Variants in RAB2A observed in about 807,000 individuals in gnomAD.
RAB2A encodes RAB2A, member RAS oncogene family.
A neutral mutation model predicts 32.5 loss-of-function variants in RAB2A; 7 were observed. That is an observed-to-expected ratio of 0.22 (90% CI 0.12 to 0.40). The LOEUF is 0.40. Among genes scored for constraint, RAB2A ranks in the 10% least tolerant of loss-of-function variants. RAB2A has a pLI of 1.00. For synonymous variants in RAB2A, 79 were observed against 85.2 expected (o/e 0.93, Z 0.40); for missense variants, 108 against 260.7 (o/e 0.41, Z 4.03).
At chr8:60,539,197 A>G (rs1286738080) in intron 1 of RAB2A, among the ~76,000 whole-genome samples, 2 of 152,220 alleles carry the variant, frequency 1.3e-5, no homozygotes, top group Admixed American at 1.3e-4. Context: ...GGCAAATGTT[A>G]CTGCTCCTGA....
chr8:60,592,583 A>T (rs1328894298), intron 6 of RAB2A, among the ~76,000 whole-genome samples: 1 of 152,144 alleles, frequency 6.6e-6, no homozygotes, highest in Non-Finnish European at 1.5e-5. Context: ...GTATTCTATT[A>T]TTGCTGTGTA....
At chr8:60,578,787 G>A (rs1464587443) in intron 3 of RAB2A, among the ~76,000 whole-genome samples, 3 of 152,186 alleles carry the variant, frequency 2.0e-5, no homozygotes, top group Non-Finnish European at 4.4e-5. Context: ...TCAGATGCAT[G>A]GGAAAGCCAG....
chr8:60,519,351 GCCAT>G (rs150559919), intron 1 of RAB2A, among the ~76,000 whole-genome samples: 12,401 of 152,128 alleles, frequency 0.082, 1,516 homozygotes, highest in African/African-American at 0.27. Context: ...CCTTGCTTCT[GCCAT>G]TGAGTCCCAG....
At chr8:60,600,066 T>TAA (rs36105307) in intron 6 of RAB2A, among the ~76,000 whole-genome samples, 19,377 of 139,358 alleles carry the variant, frequency 0.14, 1,375 homozygotes, top group East Asian at 0.25. Context: ...TACTCGGTAG[T>TAA]AAAAAAAAAA....
At chr8:60,551,233 G>T (rs928189454) in intron 1 of RAB2A, among the ~76,000 whole-genome samples, 3 of 152,068 alleles carry the variant, frequency 2.0e-5, no homozygotes, top group African/African-American at 7.2e-5. Flanking sequence ...GTACACATTT[G>T]TGCACACATG....
At chr8:60,600,665 G>A (rs1201153021) in intron 6 of RAB2A, among the ~76,000 whole-genome samples, 1 of 152,176 alleles carries the variant, frequency 6.6e-6, no homozygotes, top group African/African-American at 2.4e-5. Flanking sequence ...GAGACATTGG[G>A]TTGAAGGACA....
At chr8:60,568,886 A>G (rs1808156262) in intron 2 of RAB2A, among the ~76,000 whole-genome samples, 2 of 152,232 alleles carry the variant, frequency 1.3e-5, no homozygotes. Context: ...ACATAAAAAA[A>G]AAGGAGAAGG....
At chr8:60,596,767 A>C (rs896141824) in intron 6 of RAB2A, among the ~76,000 whole-genome samples, 8 of 152,236 alleles carry the variant, frequency 5.3e-5, no homozygotes, top group African/African-American at 1.9e-4. Flanking sequence ...TAAAAATATA[A>C]AAAATTAGCC....
In RAB2A at chr8:60,599,974, T is replaced by C. The variant is rs866662730; in HGVS notation, c.474+8005T>C. The stretch of plus-strand genomic sequence containing the variant: ...TAGATGAAAAGACACATCTTCAGAG[T>C]GGGAGAAAATATTTACATACCAGGT... On this transcript the variant is annotated intron_variant, in intron 6 of 7. Coordinates refer to ENST00000262646, the MANE Select transcript of RAB2A (RefSeq NM_002865.3). Among the ~76,000 whole-genome samples the C allele has an allele frequency of 3.3e-5, 5 of 150,436 alleles. No individual in the cohort carries two copies. The South Asian group carries it at 1.0e-3, about 31-fold the overall frequency.
chr8:60,544,331 C>T (rs1398430805), intron 1 of RAB2A, among the ~76,000 whole-genome samples: 4 of 296 alleles, frequency 0.014, no homozygotes, highest in Non-Finnish European at 0.028. Context: ...TGAGCCACCA[C>T]GCCCCAGCCC....
At chr8:60,591,752 TA>T in intron 5 of RAB2A, 105 bp from the exon 6 acceptor site, 1 of 687,588 alleles carries the variant, frequency 1.5e-6, no homozygotes, top group Non-Finnish European at 2.5e-6. Context: ...AAAAATTAAT[TA>T]AAAGAATGGT....
chr8:60,604,488 G>A (rs777344284), intron 6 of RAB2A, among the ~76,000 whole-genome samples: 96 of 152,158 alleles, frequency 6.3e-4, no homozygotes, highest in Non-Finnish European at 1.1e-3. Flanking sequence ...GAAAAATTTG[G>A]AACTTCTTAG....
chr8:60,553,618 A>C (rs1473313208), intron 1 of RAB2A, among the ~76,000 whole-genome samples: 1 of 152,232 alleles, frequency 6.6e-6, no homozygotes, highest in Non-Finnish European at 1.5e-5. Context: ...TTTGCTTCTT[A>C]TAACAGTTCA....
intron 1 of RAB2A, among the ~76,000 whole-genome samples, chr8:60,530,171 G>A (rs1391839153): frequency 2.2e-5 from 3 of 134,254 alleles, no homozygotes; most frequent in Admixed American, 7.5e-5. Flanking sequence ...TTGAGAGAGA[G>A]AGAGTCTCGC....
chr8:60,529,295 G>A (rs1032873845), intron 1 of RAB2A, among the ~76,000 whole-genome samples: 2 of 152,078 alleles, frequency 1.3e-5, no homozygotes, highest in African/African-American at 2.4e-5. Context: ...TCAGGTTTCC[G>A]TACATGTCTG....
intron 7 of RAB2A, among the ~76,000 whole-genome samples, chr8:60,619,324 T>G (rs551594096): frequency 3.7e-4 from 56 of 152,332 alleles, no homozygotes; most frequent in African/African-American, 1.3e-3. Context: ...TTCAAAATGT[T>G]TATGTGGATG....
At chr8:60,544,160 C>T (rs1358238092) in intron 1 of RAB2A, among the ~76,000 whole-genome samples, 1 of 146,192 alleles carries the variant, frequency 6.8e-6, no homozygotes, top group East Asian at 2.0e-4. Context: ...GGCGTGATCT[C>T]GGCTTACTGC....
At chr8:60,613,276 T>C (rs1310708425) in intron 6 of RAB2A, among the ~76,000 whole-genome samples, 4 of 152,222 alleles carry the variant, frequency 2.6e-5, no homozygotes, top group Admixed American at 1.3e-4. Flanking sequence ...TCCCTTCTCC[T>C]GTTGTTCCCC....
chr8:60,536,837 A>C (rs1807565099), intron 1 of RAB2A, among the ~76,000 whole-genome samples: 1 of 152,190 alleles, frequency 6.6e-6, no homozygotes, highest in Non-Finnish European at 1.5e-5. Flanking sequence ...TGAGTGGCGC[A>C]GTGGGGGAAG....
Sources: gnomAD v4.1 joint callset for allele counts (sites outside exome capture counted in the v4.1 genomes callset) on GRCh38, gnomAD v4.1.1 for gene constraint, MANE v1.5 for transcripts, NCBI Gene and HGNC (gene_info 2026-07-23, HGNC 2026-07-21) for gene names.